The following GPM6A variants were observed in gnomAD, a reference collection of about 807,000 sequenced individuals.
The protein encoded by GPM6A is neuronal membrane glycoprotein M6-a.
A neutral mutation model predicts 32.1 loss-of-function variants in GPM6A; 7 were observed. The observed-to-expected ratio is 0.22, with a 90% confidence interval of 0.12 to 0.41. The LOEUF (loss-of-function observed/expected upper bound fraction) is 0.41. Among genes scored for constraint, GPM6A ranks in the 10% least tolerant of loss-of-function variants. The pLI is 1.00. For missense variants in GPM6A, 235 were observed against 347.2 expected, an observed-to-expected ratio of 0.68 and a Z score of 2.57; for synonymous variants, 130 against 123.4, an observed-to-expected ratio of 1.05 and a Z score of -0.35.
chr4:175,962,541 T>C, intron 1 of GPM6A: 1 of 468,948 alleles, frequency 2.1e-6, no homozygotes, highest in East Asian at 4.8e-5. Context: ...AGGACATCCC[T>C]GTACTCTCTG....
At chr4:175,832,814 C>T (rs999354893) in intron 1 of GPM6A, among the ~76,000 whole-genome samples, 5 of 152,150 alleles carry the variant, frequency 3.3e-5, no homozygotes, top group African/African-American at 1.2e-4. Context: ...CACCTAAAAT[C>T]AAATGGGGAG....
intron 1 of GPM6A, among the ~76,000 whole-genome samples, chr4:175,862,242 A>G (rs1004280064): frequency 1.3e-5 from 2 of 152,168 alleles, no homozygotes; most frequent in Non-Finnish European, 2.9e-5. Flanking sequence ...GCATATATCC[A>G]TGTAAACAGC....
chr4:175,637,644 TATATAAA>T (rs1397401975), intron 6 of GPM6A, among the ~76,000 whole-genome samples: 2 of 25,596 alleles, frequency 7.8e-5, no homozygotes, highest in Non-Finnish European at 1.1e-4. Flanking sequence ...TATTATATAT[TATATAAA>T]ATATAAAATA....
chr4:175,864,598 C>T (rs867358462), intron 1 of GPM6A, among the ~76,000 whole-genome samples: 1 of 152,198 alleles, frequency 6.6e-6, no homozygotes, highest in Non-Finnish European at 1.5e-5. Flanking sequence ...CCAAACTTTT[C>T]ACTACTTCAA....
intron 1 of GPM6A, among the ~76,000 whole-genome samples, chr4:175,898,432 C>T (rs1467610666): frequency 6.6e-6 from 1 of 152,128 alleles, no homozygotes; most frequent in East Asian, 1.9e-4. Flanking sequence ...GTTTATGGTA[C>T]ATCTTTTATG....
intron 1 of GPM6A, among the ~76,000 whole-genome samples, chr4:175,817,651 G>C (rs962077545): frequency 1.3e-5 from 2 of 152,056 alleles, no homozygotes; most frequent in Non-Finnish European, 2.9e-5. Flanking sequence ...TGGGAAAAAA[G>C]GGGGAGGCAG....
intron 1 of GPM6A, among the ~76,000 whole-genome samples, chr4:175,920,589 T>C (rs1002675772): frequency 1.3e-5 from 2 of 152,174 alleles, no homozygotes; most frequent in Non-Finnish European, 2.9e-5. Context: ...GGCTTATGCC[T>C]GTAATACTAG....
At chr4:175,823,628 T>TA in intron 1 of GPM6A, among the ~76,000 whole-genome samples, 1 of 152,304 alleles carries the variant, frequency 6.6e-6, no homozygotes, top group East Asian at 1.9e-4. Flanking sequence ...CTGATTACAC[T>TA]ATATGGTGCA....
chr4:175,875,378 A>G (rs1488984124), intron 1 of GPM6A, among the ~76,000 whole-genome samples: 1 of 152,180 alleles, frequency 6.6e-6, no homozygotes, highest in Non-Finnish European at 1.5e-5. Flanking sequence ...CCCAATTTAC[A>G]CACAAGCGTA....
chr4:175,658,978 G>C (rs1742244600), intron 3 of GPM6A, among the ~76,000 whole-genome samples: 1 of 151,860 alleles, frequency 6.6e-6, no homozygotes, highest in African/African-American at 2.4e-5. Flanking sequence ...AAGCTACAGA[G>C]AATCTTCAGG....
In GPM6A at chr4:175,901,291, T is replaced by G. The variant is rs887309151; in HGVS notation, c.-22-89042A>C. On this transcript the variant is annotated intron_variant, in intron 1 of 7. Transcript: ENST00000280187. ...TGCATATTTTAAAATAACTTAAGAA[T>G]GTAATTGAGTTGTTTGTAACTCAAA... is the stretch of plus-strand genomic sequence containing the variant. Among the ~76,000 whole-genome samples the G allele has an allele frequency of 2.6e-5, 4 of 152,158 alleles. No homozygotes were observed. The South Asian group carries it at 8.3e-4, about 31-fold the overall frequency.
chr4:175,659,976 C>T (rs1160712564), intron 3 of GPM6A, among the ~76,000 whole-genome samples: 1 of 151,952 alleles, frequency 6.6e-6, no homozygotes, highest in Non-Finnish European at 1.5e-5. Context: ...CAACTGTTCA[C>T]AATAATACAG....
chr4:175,738,012 ACTGCAAC>A (rs1309251201), intron 1 of GPM6A, among the ~76,000 whole-genome samples: 12 of 150,458 alleles, frequency 8.0e-5, no homozygotes, highest in Non-Finnish European at 1.6e-4. Flanking sequence ...ATCTCAGCTC[ACTGCAAC>A]CTCCACCTCC....
At chr4:175,724,627 G>A (rs925404026) in intron 1 of GPM6A, among the ~76,000 whole-genome samples, 2 of 152,054 alleles carry the variant, frequency 1.3e-5, no homozygotes, top group African/African-American at 2.4e-5. Context: ...ATAGGGAGAA[G>A]CTGGTAGAAA....
intron 1 of GPM6A, among the ~76,000 whole-genome samples, chr4:175,878,405 C>T (rs1235309989): frequency 6.6e-6 from 1 of 152,198 alleles, no homozygotes; most frequent in Non-Finnish European, 1.5e-5. Context: ...GATACCCAGA[C>T]ATTTCCATAC....
intron 1 of GPM6A, among the ~76,000 whole-genome samples, chr4:175,729,298 T>A (rs1486609366): frequency 1.3e-5 from 2 of 152,166 alleles, no homozygotes; most frequent in Non-Finnish European, 2.9e-5. Context: ...TACATGGTCA[T>A]CCTACTCTAG....
intron 2 of GPM6A, among the ~76,000 whole-genome samples, chr4:175,684,225 TTTTCTTCTA>T (rs1743847124): frequency 6.6e-6 from 1 of 152,310 alleles, no homozygotes; most frequent in South Asian, 2.1e-4. Flanking sequence ...GTTACAAATA[TTTTCTTCTA>T]GTTTGCCATT....
At chr4:175,939,423 A>C (rs1022718248) in intron 1 of GPM6A, among the ~76,000 whole-genome samples, 4 of 152,210 alleles carry the variant, frequency 2.6e-5, no homozygotes, top group African/African-American at 9.6e-5. Flanking sequence ...TATCTCTTAA[A>C]GCAGTACAGC....
chr4:175,848,502 C>A (rs1392301943), intron 1 of GPM6A, among the ~76,000 whole-genome samples: 1 of 152,050 alleles, frequency 6.6e-6, no homozygotes, highest in African/African-American at 2.4e-5. Flanking sequence ...GGTAAAGAGC[C>A]AAACTTAGTT....
Sources: gnomAD v4.1 joint callset for allele counts (sites outside exome capture counted in the v4.1 genomes callset) on GRCh38, gnomAD v4.1.1 for gene constraint, MANE v1.5 for transcripts, NCBI Gene and HGNC (gene_info 2026-07-23, HGNC 2026-07-21) for gene names.